The following DYNC2I1 variants were observed in gnomAD, a reference collection of about 807,000 sequenced individuals.
DYNC2I1 encodes dynein 2 intermediate chain 1.
DYNC2I1 carries 89 observed loss-of-function variants against 133.4 expected under a neutral mutation model. The observed-to-expected ratio is 0.67, with a 90% CI of 0.56 to 0.80. The LOEUF (loss-of-function observed/expected upper bound fraction) is 0.80. DYNC2I1 is among the 30% of genes least tolerant of loss of function. The pLI is 0.00. For synonymous variants in DYNC2I1, 504 were observed against 484.3 expected (o/e 1.04, Z -0.54); for missense variants, 1,291 against 1,314.5 (o/e 0.98, Z 0.28).
chr7:158,845,637 A>C, the DYNC2I1 span, among the ~76,000 whole-genome samples: 1 of 152,156 alleles, frequency 6.6e-6, no homozygotes, highest in Non-Finnish European at 1.5e-5. Context: ...CCGTATACTT[A>C]ACCTTAACTT....
At chr7:158,893,838 C>G (rs1467809853) in intron 8 of DYNC2I1, among the ~76,000 whole-genome samples, 1 of 152,054 alleles carries the variant, frequency 6.6e-6, no homozygotes, top group Non-Finnish European at 1.5e-5. Flanking sequence ...TACCGTATGT[C>G]ATAGTGCATA....
At chr7:158,915,516 TA>T (rs1439052031) in intron 14 of DYNC2I1, among the ~76,000 whole-genome samples, 3 of 150,262 alleles carry the variant, frequency 2.0e-5, no homozygotes, top group African/African-American at 4.9e-5. Flanking sequence ...GTGGTTGAGA[TA>T]AAGGATGATG....
intron 3 of DYNC2I1, among the ~76,000 whole-genome samples, chr7:158,873,529 C>G (rs576825940): frequency 6.6e-6 from 1 of 152,232 alleles, no homozygotes; most frequent in South Asian, 2.1e-4. Context: ...ATGTGCGTTT[C>G]TGTTGGGGTG....
At chr7:158,895,327 G>T (rs566732266) in intron 8 of DYNC2I1, among the ~76,000 whole-genome samples, 1 of 152,176 alleles carries the variant, frequency 6.6e-6, no homozygotes, top group Non-Finnish European at 1.5e-5. Flanking sequence ...TTCTTGAGGG[G>T]TGTAAGGTCT....
intron 1 of DYNC2I1, 97 bp downstream of exon 1, chr7:158,856,847 C>A (rs1205331311): frequency 3.3e-6 from 4 of 1,199,906 alleles, no homozygotes; most frequent in East Asian, 6.4e-5. Context: ...CTTTGCGCAG[C>A]GGTTCTCTCG....
chr7:158,885,863 T>C (rs1278027369), intron 6 of DYNC2I1, among the ~76,000 whole-genome samples: 2 of 152,266 alleles, frequency 1.3e-5, no homozygotes, highest in East Asian at 3.9e-4. Flanking sequence ...TTCTGTATTT[T>C]TGTTAAACCG....
chr7:158,892,906 C>G (rs957359303), intron 8 of DYNC2I1, among the ~76,000 whole-genome samples: 1 of 149,042 alleles, frequency 6.7e-6, no homozygotes, highest in Non-Finnish European at 1.5e-5. Flanking sequence ...CCATTGTACT[C>G]TGGCCTGGGC....
At chr7:158,908,331 TAAGA>T (rs1426971399) in intron 11 of DYNC2I1, among the ~76,000 whole-genome samples, 2 of 152,048 alleles carry the variant, frequency 1.3e-5, no homozygotes, top group East Asian at 3.8e-4. Context: ...ATTTCAGTGA[TAAGA>T]AAGGACTTTC....
Position 158,876,703 on chromosome 7 carries a change from A to T in DYNC2I1, c.573+12A>T. 1.3e-6 allele frequency: 2 copies of T among 1,547,920 alleles called. No individual in the cohort carries two copies. The highest frequency in any genetic ancestry group is 1.7e-6 in the Non-Finnish European group (2 of 1,155,338). On this transcript the variant is annotated intron_variant, in intron 4 of 24. Coordinates refer to ENST00000407559, the MANE Select transcript of DYNC2I1 (RefSeq NM_018051.5). ...ACCGAGAAAGAAAGGTATACGAAGC[A>T]AGGCCTGGGGAAAAGTTTTCCAAAT...
intron 23 of DYNC2I1, among the ~76,000 whole-genome samples, chr7:158,937,902 AAAG>A (rs2129488266): frequency 6.6e-6 from 1 of 152,282 alleles, no homozygotes; most frequent in South Asian, 2.1e-4. Flanking sequence ...CTGTTTCTAA[AAAG>A]AAAAAAGAAA....
At position 158,941,878 on chromosome 7, in the gene DYNC2I1, A is replaced by G. The variant is rs147701106; in HGVS notation, c.2779-47A>G. 164 of 1,548,798 alleles carry G rather than the reference A, an allele frequency of 1.1e-4. No homozygotes were observed. In the African/African-American group the frequency reaches 1.8e-3, roughly 17 times the overall value. On this transcript the variant is annotated intron_variant, in intron 23 of 24. Transcript: ENST00000407559. ...GGTGACAGAGTGAGACCCTGTCTCA[A>G]AAAGAAAAAGGCCATGCTCAGCAGT...
the DYNC2I1 span, among the ~76,000 whole-genome samples, chr7:158,848,880 G>GCAA: frequency 6.6e-6 from 1 of 150,886 alleles, no homozygotes; most frequent in African/African-American, 2.4e-5. Context: ...CTGAGATTGC[G>GCAA]CCACTGCACT....
chr7:158,841,210 TATATATA>T, the DYNC2I1 span, among the ~76,000 whole-genome samples: 24 of 84,122 alleles, frequency 2.9e-4, 3 homozygotes, highest in Middle Eastern at 0.012. Flanking sequence ...TATATATATA[TATATATA>T]TATATTTTAG....
At chr7:158,915,383 G>C (rs77126199) in intron 14 of DYNC2I1, among the ~76,000 whole-genome samples, 3,448 of 41,108 alleles carry the variant, frequency 0.084, 7 homozygotes, top group African/African-American at 0.13. Context: ...ATTGTGAAAC[G>C]TCGACATGCT....
chr7:158,894,150 C>CCGCATATCCTACCAT, intron 8 of DYNC2I1, among the ~76,000 whole-genome samples: 1 of 152,204 alleles, frequency 6.6e-6, no homozygotes, highest in East Asian at 1.9e-4. Flanking sequence ...TATCCTACCA[C>CCGCATATCCTACCAT]ATATCGTACA....
At chr7:158,886,932 T>C in intron 6 of DYNC2I1, 89 bp from the exon 7 acceptor site, 1 of 1,227,848 alleles carries the variant, frequency 8.1e-7, no homozygotes, top group Non-Finnish European at 1.2e-6. Context: ...AAAATATTGT[T>C]AAGAGCTTTC....
Position 158,888,268 on chromosome 7 carries a change from C to T in DYNC2I1, c.990+1193C>T, listed in dbSNP as rs553608363. 1.6e-3 allele frequency among the ~76,000 whole-genome samples: 239 copies of T among 152,012 alleles called. 1 individual carries two copies. The highest frequency in any genetic ancestry group is 6.8e-3 in the Middle Eastern group (2 of 294). Reference sequence around the variant, plus strand: ...TGGAACTCCTGACCACATGATCTGCCGACCTCGGCCTCCCAAAGTGCTGGG... The same window carrying T: ...TGGAACTCCTGACCACATGATCTGCTGACCTCGGCCTCCCAAAGTGCTGGG... On this transcript the variant is annotated intron_variant, in intron 7 of 24. Transcript: ENST00000407559.
intron 15 of DYNC2I1, 147 bp from the exon 16 acceptor site, chr7:158,922,230 A>T (rs62476510): frequency 1.4e-6 from 1 of 731,264 alleles, no homozygotes; most frequent in Admixed American, 2.8e-5. Flanking sequence ...GTTCATCAAA[A>T]CCTACGTTTC....
rs997472094 is a variant in DYNC2I1 at position 158,945,401 on chromosome 7, A to T, written c.3003-180A>T. Among the ~76,000 whole-genome samples the T allele has an allele frequency of 5.9e-5, 9 of 152,216 alleles. No homozygotes were observed. The highest frequency in any genetic ancestry group is 1.7e-4 in the African/African-American group (7 of 41,450). On this transcript the variant is annotated intron_variant, in intron 24 of 24. Transcript: ENST00000407559. This position sits in a 1 kb window ranked among gnomAD's most constrained non-coding sequence, Gnocchi z 4.1. Reference sequence around the variant, plus strand: ...AAGTTCCATCTGGCAGGCCTCTGACATGCGGAAATGCATTTTCACACATTT... The same window carrying T: ...AAGTTCCATCTGGCAGGCCTCTGACTTGCGGAAATGCATTTTCACACATTT...
Sources: gnomAD v4.1 joint callset for allele counts (sites outside exome capture counted in the v4.1 genomes callset) on GRCh38, gnomAD v4.1.1 for gene constraint, Gnocchi (gnomAD v3.1) non-coding constraint, MANE v1.5 for transcripts, NCBI Gene and HGNC (gene_info 2026-07-23, HGNC 2026-07-21) for gene names.